Variants in DNAAF4 observed in about 807,000 individuals in gnomAD.
The protein encoded by DNAAF4 is dynein assembly factor 4, axonemal.
A neutral mutation model predicts 51.8 loss-of-function variants in DNAAF4; 43 were observed. That is an observed-to-expected ratio of 0.83 (90% confidence interval 0.65 to 1.07). The LOEUF is 1.07. Ranked by LOEUF, DNAAF4 falls within the 50% of genes least tolerant of loss-of-function variation. The probability of loss-of-function intolerance (pLI) is 0.00; values close to 1 mark genes in which losing one functional copy is unlikely to be tolerated. For missense variants in DNAAF4, 581 were observed against 493.0 expected, an observed-to-expected ratio of 1.18 and a Z score of -1.69; for synonymous variants, 194 against 165.6, an observed-to-expected ratio of 1.17 and a Z score of -1.32.
intron 4 of DNAAF4, among the ~76,000 whole-genome samples, chr15:55,471,061 A>G (rs1347090241): frequency 1.5e-5 from 2 of 135,828 alleles, no homozygotes; most frequent in Non-Finnish European, 3.2e-5. Context: ...CTCACTATCT[A>G]TGTTGCCCAG....
chr15:55,489,865 G>A (rs994377985), intron 4 of DNAAF4, among the ~76,000 whole-genome samples: 1 of 150,726 alleles, frequency 6.6e-6, no homozygotes, highest in African/African-American at 2.4e-5. Flanking sequence ...ATGGGAATTC[G>A]AGATAAGAAG....
At chr15:55,429,291 G>A (rs1053151636), downstream of DNAAF4, among the ~76,000 whole-genome samples, 11 of 150,212 alleles carry the variant, frequency 7.3e-5, no homozygotes, top group Non-Finnish European at 1.2e-4. Flanking sequence ...AGGCCGAGGC[G>A]GGTGGATCAC....
chr15:55,473,299 A>C (rs200412037), intron 4 of DNAAF4, among the ~76,000 whole-genome samples: 1 of 61,570 alleles, frequency 1.6e-5, no homozygotes, highest in African/African-American at 5.4e-5. Flanking sequence ...ATATATGTGT[A>C]TATATATGTG....
At position 55,439,577 on chromosome 15, in the gene DNAAF4, A is replaced by G. The variant is rs1164110534; in HGVS notation, c.788T>C (p.Leu263Pro). 2 of 1,613,360 alleles carry G rather than the reference A, an allele frequency of 1.2e-6. No individual in the cohort carries two copies. The highest frequency in any genetic ancestry group is 1.7e-6 in the Non-Finnish European group (2 of 1,179,680). The part of the protein sequence containing the change: ...ESQVAEEEEW[L>P]HKQAEARRAM... ...TCTTCGTGCCTCAGCTTGTTTGTGT[A>G]GCCACTAGAATGAGAAAGAAGTCTT... Residue 263 changes from leucine to proline, a missense_variant, in exon 7 of 10, where the codon CTA becomes CCA. Leu to Pro is a moderately conservative substitution (Grantham distance 98). Coordinates refer to ENST00000321149, the MANE Select transcript of DNAAF4 (RefSeq NM_130810.4).
At chr15:55,433,631 A>C (rs2057534246) in intron 8 of DNAAF4, among the ~76,000 whole-genome samples, 1 of 145,452 alleles carries the variant, frequency 6.9e-6, no homozygotes, top group Non-Finnish European at 1.5e-5. Flanking sequence ...GTCTCAAAAA[A>C]AAAAAAAAAA....
At chr15:55,473,187 TAA>T (rs879351208) in intron 4 of DNAAF4, among the ~76,000 whole-genome samples, 24 of 27,532 alleles carry the variant, frequency 8.7e-4, no homozygotes, top group African/African-American at 3.5e-3. Context: ...AAAAAAAACC[TAA>T]AAAAAAAAAA....
chr15:55,500,787 G>C (rs1038059099), intron 1 of DNAAF4, among the ~76,000 whole-genome samples: 2 of 152,112 alleles, frequency 1.3e-5, no homozygotes, highest in African/African-American at 4.8e-5. Flanking sequence ...GAGGTTGGGA[G>C]TTCAAGACCA....
chr15:55,437,725 A>C (rs977530734), intron 7 of DNAAF4, among the ~76,000 whole-genome samples: 5 of 152,196 alleles, frequency 3.3e-5, no homozygotes, highest in Admixed American at 3.3e-4. Context: ...AGGTCAGAAT[A>C]ACGCAATCAG....
In DNAAF4 at chr15:55,463,585, A is replaced by G. The variant is rs753317958; in HGVS notation, c.637+3345T>C. The stretch of plus-strand genomic sequence containing the variant: ...CTAGATCTGATATATGAATTCAAGT[A>G]AAGTTTCAGAATACAAAATCAATGC... On this transcript the variant is annotated intron_variant, in intron 5 of 9. Coordinates refer to ENST00000321149, the MANE Select transcript of DNAAF4 (RefSeq NM_130810.4). 2.0e-5 allele frequency among the ~76,000 whole-genome samples: 3 copies of G among 152,344 alleles called. No homozygotes were observed. The East Asian group carries it at 5.8e-4, about 29-fold the overall frequency.
chr15:55,466,079 A>C (rs925329022), intron 5 of DNAAF4, among the ~76,000 whole-genome samples: 6 of 152,190 alleles, frequency 3.9e-5, no homozygotes, highest in African/African-American at 1.4e-4. Context: ...CTGTTTCCCC[A>C]AAACTACTGA....
chr15:55,433,846 T>A (rs371702768), intron 8 of DNAAF4, among the ~76,000 whole-genome samples: 1 of 61,048 alleles, frequency 1.6e-5, no homozygotes, highest in African/African-American at 5.7e-5. Context: ...TATTATATAT[T>A]ATATATATTA....
intron 4 of DNAAF4, among the ~76,000 whole-genome samples, chr15:55,469,611 T>C (rs1244371709): frequency 1.4e-5 from 2 of 146,398 alleles, no homozygotes; most frequent in East Asian, 2.2e-4. Flanking sequence ...GCCTCCCGAG[T>C]AGCTGGAACT....
chr15:55,442,956 C>G (rs1236662599), intron 6 of DNAAF4: 2 of 1,611,338 alleles, frequency 1.2e-6, no homozygotes, highest in Admixed American at 3.3e-5. Flanking sequence ...AGCAAACCAT[C>G]CTTTTCTCAA....
chr15:55,437,515 A>G (rs1464686138), intron 7 of DNAAF4, among the ~76,000 whole-genome samples: 1 of 148,362 alleles, frequency 6.7e-6, no homozygotes, highest in African/African-American at 2.5e-5. Flanking sequence ...CCGCCCCCCA[A>G]AAAAAGATGT....
At chr15:55,436,127 T>C (rs1235565067) in intron 7 of DNAAF4, among the ~76,000 whole-genome samples, 1 of 152,160 alleles carries the variant, frequency 6.6e-6, no homozygotes, top group Non-Finnish European at 1.5e-5. Context: ...GTGTTTTCCA[T>C]AGCAGCTGGA....
At chr15:55,440,177 C>T (rs545876747) in intron 6 of DNAAF4, among the ~76,000 whole-genome samples, 4 of 151,894 alleles carry the variant, frequency 2.6e-5, no homozygotes, top group South Asian at 2.1e-4. Context: ...CTCAGCCTCC[C>T]GAGTAGGTGG....
chr15:55,443,096 T>A (rs1447498637), intron 6 of DNAAF4: 8 of 1,610,466 alleles, frequency 5.0e-6, no homozygotes, highest in Non-Finnish European at 6.8e-6. Context: ...AAGTCTTGAA[T>A]CCTTTCAGTA....
chr15:55,443,156 T>G, intron 6 of DNAAF4: 1 of 1,610,748 alleles, frequency 6.2e-7, no homozygotes, highest in South Asian at 1.1e-5. Flanking sequence ...TCTTCACATT[T>G]CTTCATAAAC....
chr15:55,490,473 G>A lies in DNAAF4; in HGVS notation c.405+650C>T, dbSNP rs1022890701. On this transcript the variant is annotated intron_variant, in intron 4 of 9. Coordinates refer to ENST00000321149, the MANE Select transcript of DNAAF4 (RefSeq NM_130810.4). ...AAACTTTCACTTAAAACCCTTAACA[G>A]TTAAAAAAATTTGACAATAATGTTT... Among the ~76,000 whole-genome samples the A allele has an allele frequency of 3.3e-5, 5 of 152,080 alleles. No homozygotes were observed. The South Asian group carries it at 1.0e-3, about 32-fold the overall frequency.
Sources: gnomAD v4.1 joint callset for allele counts (sites outside exome capture counted in the v4.1 genomes callset) on GRCh38, gnomAD v4.1.1 for gene constraint, MANE v1.5 for transcripts, NCBI Gene and HGNC (gene_info 2026-07-23, HGNC 2026-07-21) for gene names.